The following MKLN1 variants were observed in gnomAD, a reference collection of about 807,000 sequenced individuals.
The protein encoded by MKLN1 is muskelin.
Under a neutral mutation model 99.0 loss-of-function variants are expected in MKLN1, and 18 were observed. The ratio of observed to expected loss-of-function variants is 0.18; its 90% confidence interval spans 0.13 to 0.27. The LOEUF (loss-of-function observed/expected upper bound fraction) is 0.27. Ranked by LOEUF, MKLN1 falls within the 10% of genes least tolerant of loss-of-function variation. MKLN1 has a pLI of 1.00. For synonymous variants in MKLN1, 288 were observed against 293.2 expected, an observed-to-expected ratio of 0.98 and a Z score of 0.18; for missense variants, 621 against 875.9, an observed-to-expected ratio of 0.71 and a Z score of 3.67.
chr7:131,441,047 A>G lies in MKLN1; in HGVS notation c.1174-2434A>G, dbSNP rs982075903. Among the ~76,000 whole-genome samples, 9 of 152,240 alleles carry G rather than the reference A, an allele frequency of 5.9e-5. No homozygotes were observed. In the South Asian group the frequency reaches 1.4e-3, roughly 24 times the overall value. On this transcript the variant is annotated intron_variant, in intron 10 of 17. Transcript: ENST00000352689. Reference sequence around the variant, plus strand: ...TAGAGCAACATCTAGAAGACATTCAAGAAAAGACAGTATGAGCCAAGAATT... The same window carrying G: ...TAGAGCAACATCTAGAAGACATTCAGGAAAAGACAGTATGAGCCAAGAATT...
intron 3 of MKLN1, among the ~76,000 whole-genome samples, chr7:131,238,643 A>T (rs1376673301): frequency 6.6e-6 from 1 of 152,232 alleles, no homozygotes; most frequent in East Asian, 1.9e-4. Flanking sequence ...AACCTAAAAA[A>T]TGTCTTATGG....
At chr7:131,192,229 CAATATATAAATATATAAAATATA>C (rs1563247581) in intron 2 of MKLN1, among the ~76,000 whole-genome samples, 49 of 61,630 alleles carry the variant, frequency 8.0e-4, no homozygotes, top group Admixed American at 1.9e-3. Context: ...AAAATATATA[CAATATATAAATATATAAAATATA>C]ATATATACAA....
chr7:131,122,891 C>T (rs1795394920), intron 1 of MKLN1, among the ~76,000 whole-genome samples: 1 of 151,890 alleles, frequency 6.6e-6, no homozygotes, highest in Non-Finnish European at 1.5e-5. Flanking sequence ...GGTGTGGTGG[C>T]CCGCGCCTGT....
intron 2 of MKLN1, among the ~76,000 whole-genome samples, chr7:131,190,343 C>T (rs1036638409): frequency 9.2e-5 from 14 of 152,032 alleles, no homozygotes; most frequent in Admixed American, 6.6e-5. Context: ...CTCAGACCTA[C>T]CTTGGCATTC....
chr7:131,138,053 G>A (rs2116249476), intron 1 of MKLN1, among the ~76,000 whole-genome samples: 1 of 151,694 alleles, frequency 6.6e-6, no homozygotes, highest in Non-Finnish European at 1.5e-5. Flanking sequence ...AATCTCATGA[G>A]TAGCTGGGAT....
intron 6 of MKLN1, among the ~76,000 whole-genome samples, chr7:131,400,069 A>G (rs980051438): frequency 5.3e-5 from 8 of 151,768 alleles, no homozygotes; most frequent in Non-Finnish European, 1.0e-4. Context: ...TTTTTTTTTA[A>G]TCTTCCTCAG....
At chr7:131,355,135 A>C (rs1367988909) in intron 1 of MKLN1, among the ~76,000 whole-genome samples, 1 of 152,006 alleles carries the variant, frequency 6.6e-6, no homozygotes, top group Non-Finnish European at 1.5e-5. Flanking sequence ...TCATGTATAA[A>C]TATCTTGCTG....
At chr7:131,308,550 C>T (rs562129680) in intron 3 of MKLN1, among the ~76,000 whole-genome samples, 102 of 151,420 alleles carry the variant, frequency 6.7e-4, no homozygotes, top group East Asian at 2.5e-3. Context: ...CATGGGCTAC[C>T]GCGCCTGGCC....
intron 5 of MKLN1, 145 bp from the exon 6 acceptor site, chr7:131,399,096 C>T: frequency 1.5e-6 from 1 of 657,422 alleles, no homozygotes. Context: ...AATAATGATA[C>T]CTAATGAATC....
intron 2 of MKLN1, among the ~76,000 whole-genome samples, chr7:131,382,549 T>A (rs1429774282): frequency 6.6e-6 from 1 of 152,134 alleles, no homozygotes; most frequent in Non-Finnish European, 1.5e-5. Flanking sequence ...TTGAGAGTTC[T>A]GTGTATGTTT....
intron 3 of MKLN1, among the ~76,000 whole-genome samples, chr7:131,203,999 A>G (rs1796768707): frequency 6.6e-6 from 1 of 152,198 alleles, no homozygotes; most frequent in Non-Finnish European, 1.5e-5. Context: ...AATTTAAGTC[A>G]CTTACCTAGG....
At position 131,449,650 on chromosome 7, in the gene MKLN1, G is replaced by GT. The variant is rs150929504; in HGVS notation, c.1525+3756dup. 3.7e-3 allele frequency among the ~76,000 whole-genome samples: 564 copies of GT among 150,468 alleles called. 1 individual carries two copies. The highest frequency in any genetic ancestry group is 4.1e-3 in the Non-Finnish European group (278 of 67,516). ...AATGGAAATTATTCTCTTTTTTTCT[G>GT]TTTTTTTTTCCCCTCATCTCTGCCT... On this transcript the variant is annotated intron_variant, in intron 12 of 17. Coordinates refer to ENST00000352689, the MANE Select transcript of MKLN1 (RefSeq NM_013255.5).
intron 3 of MKLN1, among the ~76,000 whole-genome samples, chr7:131,221,193 C>T (rs141208230): frequency 1.9e-4 from 28 of 150,778 alleles, no homozygotes; most frequent in African/African-American, 6.1e-4. Context: ...CACTTGGTGA[C>T]AGTACAGACA....
chr7:131,150,621 G>T (rs766421867), intron 2 of MKLN1, among the ~76,000 whole-genome samples: 1 of 148,744 alleles, frequency 6.7e-6, no homozygotes, highest in Admixed American at 6.7e-5. Context: ...TTGAGTTTAT[G>T]TGCAGTATAT....
In MKLN1 at chr7:131,470,838, C is replaced by T; in HGVS notation, c.1929-4C>T. The stretch of plus-strand genomic sequence containing the variant: ...AGATAATTATCCTTGTGTACATTTT[C>T]TAGGTTTGAAGAAAAGGCCCAAGTG... On this transcript the variant is annotated splice_region_variant and splice_polypyrimidine_tract_variant and intron_variant, in intron 15 of 17. Coordinates refer to ENST00000352689, the MANE Select transcript of MKLN1 (RefSeq NM_013255.5). 1 of 1,567,126 alleles carries T rather than the reference C, an allele frequency of 6.4e-7. No individual in the cohort carries two copies. The highest frequency in any genetic ancestry group is 1.1e-5 in the South Asian group (1 of 89,380).
At chr7:131,234,810 C>A (rs1054530343) in intron 3 of MKLN1, among the ~76,000 whole-genome samples, 5 of 152,200 alleles carry the variant, frequency 3.3e-5, no homozygotes, top group Non-Finnish European at 7.3e-5. Context: ...GAAATGCTGT[C>A]GTGTCAGGCT....
At chr7:131,279,967 C>A (rs1229179667) in intron 3 of MKLN1, among the ~76,000 whole-genome samples, 1 of 152,132 alleles carries the variant, frequency 6.6e-6, no homozygotes, top group Non-Finnish European at 1.5e-5. Flanking sequence ...CCATTCCCCA[C>A]CCTCAAGCCC....
chr7:131,288,712 T>A (rs1051873625), intron 3 of MKLN1, among the ~76,000 whole-genome samples: 1 of 152,192 alleles, frequency 6.6e-6, no homozygotes, highest in Non-Finnish European at 1.5e-5. Flanking sequence ...TGCTTTGCAC[T>A]CTAATTATCT....
chr7:131,328,124 T>C (rs2116682353), intron 1 of MKLN1, 127 bp downstream of exon 1: 2 of 1,168,578 alleles, frequency 1.7e-6, no homozygotes. Context: ...ACGTGCGGCC[T>C]CCGGAGTCTT....
Sources: allele counts gnomAD v4.1 joint callset (sites outside exome capture counted in the v4.1 genomes callset), GRCh38; gene constraint gnomAD v4.1.1; transcripts MANE v1.5; gene names NCBI Gene and HGNC (gene_info 2026-07-23, HGNC 2026-07-21).